The following SGCZ variants were observed in gnomAD, a reference collection of about 807,000 sequenced individuals.
SGCZ encodes zeta-sarcoglycan.
In SGCZ, 40 loss-of-function variants were observed where a neutral mutation model predicts 41.3. The ratio of observed to expected loss-of-function variants is 0.97; its 90% CI spans 0.75 to 1.26. SGCZ has a LOEUF of 1.26. SGCZ is among the 50% of genes most tolerant of loss of function. The pLI is 0.00. For missense variants in SGCZ, 552 were observed against 369.8 expected (o/e 1.49, Z -4.04); for synonymous variants, 206 against 137.5 (o/e 1.50, Z -3.49).
At chr8:14,366,153 G>C (rs570755827) in intron 2 of SGCZ, among the ~76,000 whole-genome samples, 41 of 152,150 alleles carry the variant, frequency 2.7e-4, no homozygotes, top group Middle Eastern at 3.4e-3. Flanking sequence ...CTCTGTATTA[G>C]TCTGCTGTCA....
chr8:14,117,408 C>CTGTGTGTGTGTGTGTG (rs57595662), intron 5 of SGCZ, among the ~76,000 whole-genome samples: 12 of 131,574 alleles, frequency 9.1e-5, no homozygotes, highest in African/African-American at 3.3e-4. Context: ...ATGCACACAT[C>CTGTGTGTGTGTGTGTG]TGTGTGTGTG....
At chr8:15,013,325 T>C (rs1294092058) in intron 1 of SGCZ, among the ~76,000 whole-genome samples, 3 of 152,166 alleles carry the variant, frequency 2.0e-5, no homozygotes, top group Non-Finnish European at 2.9e-5. Flanking sequence ...ACCTGGATAA[T>C]GGAATCATAA....
At chr8:15,079,564 A>T (rs1193459693) in intron 1 of SGCZ, among the ~76,000 whole-genome samples, 1 of 152,232 alleles carries the variant, frequency 6.6e-6, no homozygotes, top group East Asian at 1.9e-4. Flanking sequence ...TCTCAACTGC[A>T]ATTATTGTCT....
At chr8:15,197,363 A>G (rs2117125279) in intron 1 of SGCZ, among the ~76,000 whole-genome samples, 1 of 152,346 alleles carries the variant, frequency 6.6e-6, no homozygotes, top group East Asian at 1.9e-4. Context: ...AAAGGATATA[A>G]CATCTTCACG....
Position 14,206,293 on chromosome 8 carries a change from T to C in SGCZ, c.424+31299A>G, listed in dbSNP as rs140797636. ...CTCAGAAATTACAAGCCTTATGTTGTAAAGATAACATACGTTTTAAGTGAA... is the reference window on the plus strand; with the variant it reads ...CTCAGAAATTACAAGCCTTATGTTGCAAAGATAACATACGTTTTAAGTGAA... On this transcript the variant is annotated intron_variant, in intron 4 of 7. Coordinates refer to ENST00000382080, the MANE Select transcript of SGCZ (RefSeq NM_139167.4). Among the ~76,000 whole-genome samples, 426 of 152,274 alleles carry C rather than the reference T, an allele frequency of 2.8e-3. 1 individual carries two copies. Among genetic ancestry groups the C allele is most frequent in the Middle Eastern group, 0.01 (3 of 294 alleles).
At chr8:14,287,845 A>C (rs550995578) in intron 3 of SGCZ, among the ~76,000 whole-genome samples, 3 of 152,100 alleles carry the variant, frequency 2.0e-5, no homozygotes, top group African/African-American at 7.2e-5. Context: ...CGGCAGCTTT[A>C]TTTTTGCTGA....
chr8:15,152,470 A>G (rs1490564058), intron 1 of SGCZ, among the ~76,000 whole-genome samples: 1 of 152,210 alleles, frequency 6.6e-6, no homozygotes, highest in Non-Finnish European at 1.5e-5. Flanking sequence ...CTGGTAAAAT[A>G]TCCATCTACT....
intron 2 of SGCZ, among the ~76,000 whole-genome samples, chr8:14,551,565 ATATAAT>A (rs1563404782): frequency 0.18 from 4,755 of 26,454 alleles, 711 homozygotes; most frequent in South Asian, 0.26. Context: ...TATATTATAT[ATATAAT>A]ATATATATAA....
rs1343632147 is a variant in SGCZ, at chr8:15,215,344, G to GA, written c.39+22240dup. 5.9e-5 allele frequency among the ~76,000 whole-genome samples: 9 copies of GA among 152,212 alleles called. No homozygotes were observed. The South Asian group carries it at 1.2e-3, about 21-fold the overall frequency. On this transcript the variant is annotated intron_variant, in intron 1 of 7. Coordinates refer to ENST00000382080, the MANE Select transcript of SGCZ (RefSeq NM_139167.4). ...GCACTGCATTTGGTATACGCAAGAA[G>GA]AAAAAACCTTTCAGAAAAATTCCAT... is the stretch of plus-strand genomic sequence containing the variant.
In SGCZ at chr8:14,195,850, G is replaced by A. The variant is rs140453933; in HGVS notation, c.425-31148C>T. On this transcript the variant is annotated intron_variant, in intron 4 of 7. Transcript: ENST00000382080. ...GTAAGTGAAAAAGACAATTATAGATGTAGAATTACTGAATAAATCATCTCT... is the reference window on the plus strand; with the variant it reads ...GTAAGTGAAAAAGACAATTATAGATATAGAATTACTGAATAAATCATCTCT... 3.7e-3 allele frequency among the ~76,000 whole-genome samples: 563 copies of A among 152,214 alleles called. 3 individuals carry two copies. The highest frequency in any genetic ancestry group is 5.9e-3 in the Non-Finnish European group (403 of 68,012).
intron 1 of SGCZ, among the ~76,000 whole-genome samples, chr8:15,209,520 G>A (rs1340490142): frequency 8.0e-6 from 1 of 124,686 alleles, no homozygotes; most frequent in South Asian, 3.0e-4. Flanking sequence ...TTCAGCTTGT[G>A]TTAAATACCT....
intron 2 of SGCZ, among the ~76,000 whole-genome samples, chr8:14,338,656 A>T (rs1437390678): frequency 6.6e-6 from 1 of 152,218 alleles, no homozygotes; most frequent in Admixed American, 6.5e-5. Context: ...ATTGAAACTC[A>T]TTAAAATATG....
intron 2 of SGCZ, among the ~76,000 whole-genome samples, chr8:14,436,733 T>C (rs1207316460): frequency 6.6e-6 from 1 of 152,224 alleles, no homozygotes; most frequent in East Asian, 1.9e-4. Flanking sequence ...TGAGTACACC[T>C]GTTTTTTAAT....
intron 1 of SGCZ, among the ~76,000 whole-genome samples, chr8:14,588,570 T>C (rs73192370): frequency 0.011 from 1,675 of 152,058 alleles, 18 homozygotes; most frequent in Middle Eastern, 0.037. Context: ...CATGAGCAAA[T>C]AGAATGTTTA....
chr8:14,401,178 C>T (rs191640712), intron 2 of SGCZ, among the ~76,000 whole-genome samples: 71 of 152,230 alleles, frequency 4.7e-4, no homozygotes. Context: ...ACAGCATGTA[C>T]AATTTCTTAC....
At chr8:14,714,050 C>A (rs1326100076) in intron 1 of SGCZ, among the ~76,000 whole-genome samples, 3 of 152,136 alleles carry the variant, frequency 2.0e-5, no homozygotes, top group Non-Finnish European at 4.4e-5. Flanking sequence ...TCACTACAAC[C>A]TCTGCCTCCT....
At chr8:14,991,592 C>G (rs1192973544) in intron 1 of SGCZ, among the ~76,000 whole-genome samples, 1 of 152,120 alleles carries the variant, frequency 6.6e-6, no homozygotes, top group African/African-American at 2.4e-5. Flanking sequence ...CCATAGCAAA[C>G]TCACAAGTTT....
chr8:14,814,447 G>A (rs964067713), intron 1 of SGCZ, among the ~76,000 whole-genome samples: 1 of 152,164 alleles, frequency 6.6e-6, no homozygotes, highest in African/African-American at 2.4e-5. Context: ...GCACTTTCCA[G>A]TATAAAGTAA....
intron 1 of SGCZ, among the ~76,000 whole-genome samples, chr8:15,158,278 T>C (rs901496044): frequency 3.3e-5 from 5 of 152,198 alleles, no homozygotes; most frequent in African/African-American, 1.2e-4. Context: ...TTATCCATTT[T>C]TCCCAGTTCT....
Sources: gnomAD v4.1 joint callset for allele counts (sites outside exome capture counted in the v4.1 genomes callset) on GRCh38, gnomAD v4.1.1 for gene constraint, MANE v1.5 for transcripts, NCBI Gene and HGNC (gene_info 2026-07-23, HGNC 2026-07-21) for gene names.